The following LIN54 variants were observed in gnomAD, a reference collection of about 807,000 sequenced individuals.
LIN54 encodes protein lin-54 homolog.
A neutral mutation model predicts 78.7 loss-of-function variants in LIN54; 9 were observed. The ratio of observed to expected loss-of-function variants is 0.11; its 90% confidence interval spans 0.07 to 0.20. The LOEUF (loss-of-function observed/expected upper bound fraction) is 0.20. Among genes scored for constraint, LIN54 ranks in the 10% least tolerant of loss-of-function variants. The pLI, the probability that LIN54 is intolerant of heterozygous loss-of-function variation, is 1.00. For missense variants in LIN54, 573 were observed against 889.9 expected (o/e 0.64, Z 4.53); for synonymous variants, 269 against 318.4 (o/e 0.84, Z 1.65).
intron 1 of LIN54, among the ~76,000 whole-genome samples, chr4:83,005,056 G>A (rs769104488): frequency 5.3e-5 from 8 of 151,750 alleles, no homozygotes; most frequent in Non-Finnish European, 1.2e-4. Flanking sequence ...CACCATGCCC[G>A]GTTCATGTTT....
At chr4:82,970,091 A>AT (rs1471587975) in intron 4 of LIN54, among the ~76,000 whole-genome samples, 2 of 152,220 alleles carry the variant, frequency 1.3e-5, no homozygotes, top group Non-Finnish European at 2.9e-5. Context: ...TTGTACCCAC[A>AT]TTCATATGGG....
chr4:82,956,617 A>G (rs1158908738), intron 4 of LIN54, among the ~76,000 whole-genome samples: 1 of 152,194 alleles, frequency 6.6e-6, no homozygotes, highest in Non-Finnish European at 1.5e-5. Context: ...CGTTTCATTT[A>G]AATAACAATT....
intron 7 of LIN54, 93 bp from the exon 8 acceptor site, chr4:82,938,597 TTAAGA>T (rs1322248860): frequency 7.1e-6 from 5 of 706,074 alleles, no homozygotes; most frequent in East Asian, 5.2e-5. Flanking sequence ...AATTCATCCA[TTAAGA>T]TAAGAAAAAC....
chr4:82,977,821 C>A (rs1297348535), intron 3 of LIN54, among the ~76,000 whole-genome samples: 2 of 152,112 alleles, frequency 1.3e-5, no homozygotes, highest in Non-Finnish European at 2.9e-5. Context: ...TAGAAATGAT[C>A]CTATAACTAG....
rs1279155486 is a variant in LIN54 at position 82,924,754 on chromosome 4, A to G, written c.*3348T>C. ...GCCCTAACAAGAAAAGCCTGAAGTA[A>G]TTTACATGATGAAAATAACTCCAAT... On this transcript the variant is annotated 3_prime_UTR_variant, in exon 13 of 13. Coordinates refer to ENST00000340417, the MANE Select transcript of LIN54 (RefSeq NM_194282.4). The G allele has an allele frequency of 1.3e-5, 2 of 152,198 alleles. No individual in the cohort carries two copies. Among genetic ancestry groups the G allele is most frequent in the South Asian group, 2.1e-4 (1 of 4,830 alleles). The allele number at this position is 152,198 out of a possible 1,614,324, so 9.4% of individuals were successfully genotyped here.
chr4:83,010,408 T>TGCCCCCCCCCC, intron 1 of LIN54, 76 bp downstream of exon 1: 1 of 171,588 alleles, frequency 5.8e-6, no homozygotes, highest in Non-Finnish European at 1.1e-5. Context: ...CGCAATTCTT[T>TGCCCCCCCCCC]CCCCACCCAC....
chr4:82,987,543 C>G (rs1015753943), intron 1 of LIN54, among the ~76,000 whole-genome samples: 17 of 152,150 alleles, frequency 1.1e-4, no homozygotes, highest in African/African-American at 3.9e-4. Flanking sequence ...CCCAACCCCC[C>G]ACCAGAACAT....
At chr4:82,960,315 C>T (rs113825448) in intron 4 of LIN54, among the ~76,000 whole-genome samples, 2,436 of 5,420 alleles carry the variant, frequency 0.45, 73 homozygotes, top group Middle Eastern at 0.5. Flanking sequence ...CAGGCACACA[C>T]CAGCGGTGTG....
In LIN54 at chr4:82,930,966, T is replaced by A. The variant is rs147498582; in HGVS notation, c.2025A>T (p.Pro675=). ...QISDLLTRPT[P]ALNSGGGKLP... is the part of the protein sequence containing the mutation. The stretch of plus-strand genomic sequence containing the variant: ...ACTTTCCGCCTCCACTATTTAAAGC[T>A]GGTGTTGGCCTAGTAAGCAAGTCTG... The change falls in exon 12 of 13, where the codon CCA becomes CCT. Residue 675 remains proline, a synonymous_variant. Coordinates refer to ENST00000340417, the MANE Select transcript of LIN54 (RefSeq NM_194282.4). 20 of 1,614,044 alleles carry A rather than the reference T, an allele frequency of 1.2e-5. No homozygotes were observed. The African/African-American group carries it at 2.7e-4, about 22-fold the overall frequency.
chr4:82,947,226 TATATATA>T (rs1560733331), intron 4 of LIN54, among the ~76,000 whole-genome samples: 4 of 28,188 alleles, frequency 1.4e-4, no homozygotes, highest in African/African-American at 3.6e-4. Flanking sequence ...TATATATATA[TATATATA>T]TATTTTTTTT....
chr4:82,995,971 C>A (rs1197882545), intron 1 of LIN54, among the ~76,000 whole-genome samples: 2 of 151,838 alleles, frequency 1.3e-5, no homozygotes, highest in Non-Finnish European at 2.9e-5. Context: ...CATGGAGAAA[C>A]CCCGTCTCTA....
intron 2 of LIN54, among the ~76,000 whole-genome samples, chr4:82,979,934 T>A: frequency 2.5e-5 from 1 of 40,270 alleles, no homozygotes. Context: ...AGTGAGACTC[T>A]GTCTCAAAAA....
chr4:82,947,231 A>AT (rs1390095473), intron 4 of LIN54, among the ~76,000 whole-genome samples: 11 of 13,950 alleles, frequency 7.9e-4, no homozygotes, highest in African/African-American at 1.2e-3. Context: ...ATATATATAT[A>AT]TATATTTTTT....
At chr4:82,935,524 G>C (rs184157924) in intron 11 of LIN54, among the ~76,000 whole-genome samples, 273 of 152,058 alleles carry the variant, frequency 1.8e-3, no homozygotes, top group Non-Finnish European at 2.7e-3. Context: ...CTGACCTCAA[G>C]TGATCTGCCC....
chr4:82,963,709 ACAAGC>A (rs1724986281), intron 4 of LIN54, among the ~76,000 whole-genome samples: 1 of 152,058 alleles, frequency 6.6e-6, no homozygotes, highest in South Asian at 2.1e-4. Context: ...TGTACTTATA[ACAAGC>A]CAAACGTGGA....
At chr4:82,979,087 A>T in intron 2 of LIN54, 81 bp from the exon 3 acceptor site, 1 of 1,086,442 alleles carries the variant, frequency 9.2e-7, no homozygotes, top group South Asian at 1.8e-5. Context: ...AGATTCACAC[A>T]AAGTAGCACA....
chr4:82,966,857 C>T (rs28693662), intron 4 of LIN54, among the ~76,000 whole-genome samples: 54,136 of 151,980 alleles, frequency 0.36, 11,493 homozygotes, highest in African/African-American at 0.59. Context: ...GATCTGCCCA[C>T]CTCAACCTAC....
chr4:82,999,707 G>A (rs1333590323), intron 1 of LIN54, among the ~76,000 whole-genome samples: 1 of 148,240 alleles, frequency 6.7e-6, no homozygotes, highest in Non-Finnish European at 1.5e-5. Context: ...GAAACCGGGA[G>A]GCAGAGGCTA....
intron 1 of LIN54, 47 bp from the exon 2 acceptor site, chr4:82,984,923 T>A (rs1323783038): frequency 1.5e-6 from 2 of 1,365,970 alleles, no homozygotes; most frequent in Non-Finnish European, 2.0e-6. Flanking sequence ...TTTCAAAAGA[T>A]GTAAGAAAAA....
Sources: gnomAD v4.1 joint callset for allele counts (sites outside exome capture counted in the v4.1 genomes callset) on GRCh38, gnomAD v4.1.1 for gene constraint, MANE v1.5 for transcripts, NCBI Gene and HGNC (gene_info 2026-07-23, HGNC 2026-07-21) for gene names.